SP110: variants seen among roughly 807,000 people sequenced by gnomAD.
SP110 encodes the protein interferon-induced protein 41, 30kD.
A neutral mutation model predicts 92.7 loss-of-function variants in SP110; 62 were observed. That is an observed-to-expected ratio of 0.67 (90% confidence interval 0.55 to 0.83). The LOEUF (loss-of-function observed/expected upper bound fraction) is 0.83, where lower values mean the gene tolerates loss of function less well. Among genes scored for constraint, SP110 ranks in the 40% least tolerant of loss-of-function variants. SP110 has a pLI of 0.00. For missense variants in SP110, 793 were observed against 863.9 expected (o/e 0.92, Z 1.03); for synonymous variants, 273 against 305.3 (o/e 0.89, Z 1.10).
chr2:230,196,012 T>A (rs914556546), intron 10 of SP110, among the ~76,000 whole-genome samples: 6 of 152,164 alleles, frequency 3.9e-5, no homozygotes, highest in African/African-American at 1.2e-4. Flanking sequence ...TTACTACTAA[T>A]CAAAGAAACT....
chr2:230,208,116 G>A, intron 7 of SP110, 57 bp from the exon 8 acceptor site: 1 of 985,776 alleles, frequency 1.0e-6, no homozygotes, highest in South Asian at 1.3e-5. Flanking sequence ...AATCTTGTAT[G>A]TCAATGATAT....
At position 230,172,253 on chromosome 2, in the gene SP110, C is replaced by T. The variant is rs907528271; in HGVS notation, c.1707-79G>A. ...CATTCCTGTGGCTGCCACTGTCTTCCCTCAGGAAGGATGGGCTCAGCCATG... is the reference window on the plus strand; with the variant it reads ...CATTCCTGTGGCTGCCACTGTCTTCTCTCAGGAAGGATGGGCTCAGCCATG... On this transcript the variant is annotated intron_variant, in intron 15 of 18. Coordinates refer to ENST00000258381, the MANE Select transcript of SP110 (RefSeq NM_080424.4). The T allele has an allele frequency of 7.6e-6, 7 of 920,898 alleles. No homozygotes were observed. The South Asian group carries it at 7.8e-5, about 10-fold the overall frequency. 57.0% of individuals were successfully genotyped at this position (920,898 alleles called of 1,614,324 possible). A position where few individuals can be genotyped will look rare whatever the true frequency, so the allele number is the denominator to read the frequency against.
chr2:230,199,331 C>T (rs1216754882), intron 10 of SP110, among the ~76,000 whole-genome samples: 2 of 150,222 alleles, frequency 1.3e-5, no homozygotes, highest in African/African-American at 4.9e-5. Flanking sequence ...TCCTCAGCCT[C>T]CCATGTAGCT....
chr2:230,169,643 G>T (rs554243562), intron 18 of SP110, among the ~76,000 whole-genome samples: 1 of 152,168 alleles, frequency 6.6e-6, no homozygotes, highest in East Asian at 1.9e-4. Context: ...TTTTTTAGGA[G>T]CCCAGCAGTA....
chr2:230,178,823 G>A (rs1471867420), intron 12 of SP110, among the ~76,000 whole-genome samples: 2 of 152,240 alleles, frequency 1.3e-5, no homozygotes, highest in Non-Finnish European at 2.9e-5. Context: ...TCATGGAGCA[G>A]TCTGGCAACT....
chr2:230,177,397 G>GT (rs1464452982), intron 14 of SP110, 141 bp downstream of exon 14: 49 of 938,804 alleles, frequency 5.2e-5, no homozygotes, highest in Non-Finnish European at 7.4e-5. Context: ...GTCACCCACA[G>GT]TTTTTTTTCT....
intron 6 of SP110, 54 bp from the exon 7 acceptor site, chr2:230,210,062 G>T: frequency 9.3e-7 from 1 of 1,073,284 alleles, no homozygotes; most frequent in Non-Finnish European, 1.5e-6. Context: ...AAGAGAAAGT[G>T]CTGAGGGAAG....
intron 14 of SP110, chr2:230,173,703 A>AT (rs1184450806): frequency 6.6e-6 from 1 of 152,106 alleles, no homozygotes; most frequent in Non-Finnish European, 1.5e-5. Context: ...GAAAGAATGA[A>AT]TGGTGCCTCT....
At chr2:230,222,846 T>G (rs939586292), upstream of SP110, among the ~76,000 whole-genome samples, 5 of 151,424 alleles carry the variant, frequency 3.3e-5, no homozygotes, top group Non-Finnish European at 5.9e-5. Flanking sequence ...TAAAGTTTTT[T>G]TTTTTTTTTT....
chr2:230,200,269 A>C (rs759410194), intron 10 of SP110, among the ~76,000 whole-genome samples: 2 of 152,232 alleles, frequency 1.3e-5, no homozygotes, highest in African/African-American at 2.4e-5. Context: ...ACGAATATCT[A>C]GCTGTTTTTT....
At chr2:230,187,690 A>C (rs931008308) in intron 10 of SP110, among the ~76,000 whole-genome samples, 8 of 152,134 alleles carry the variant, frequency 5.3e-5, no homozygotes, top group Non-Finnish European at 1.5e-5. Flanking sequence ...ATAGGGATCC[A>C]GTTTTATTCT....
chr2:230,214,557 A>T (rs1003260648), intron 3 of SP110, among the ~76,000 whole-genome samples: 4 of 152,212 alleles, frequency 2.6e-5, no homozygotes, highest in Non-Finnish European at 5.9e-5. Context: ...TAAGGCACCA[A>T]AAAAAGATAC....
At chr2:230,208,829 C>T (rs546679291) in intron 7 of SP110, among the ~76,000 whole-genome samples, 1 of 152,168 alleles carries the variant, frequency 6.6e-6, no homozygotes, top group East Asian at 1.9e-4. Context: ...CCAAGACTTG[C>T]CAGAGAGTTC....
rs555660894 is a variant in SP110 at position 230,190,193 on chromosome 2, C to T, written c.1130-4050G>A. The stretch of plus-strand genomic sequence containing the variant: ...CAACAGTGTAAAAGTATTCCTATTT[C>T]TCCACAGCCTCACCAGCATCTATTG... On this transcript the variant is annotated intron_variant, in intron 10 of 18. Coordinates refer to ENST00000258381, the MANE Select transcript of SP110 (RefSeq NM_080424.4). Among the ~76,000 whole-genome samples, 10 of 152,336 alleles carry T rather than the reference C, an allele frequency of 6.6e-5. No homozygotes were observed. In the South Asian group the frequency reaches 2.1e-3, roughly 32 times the overall value.
At chr2:230,190,876 G>A (rs1024364392) in intron 10 of SP110, among the ~76,000 whole-genome samples, 17 of 152,098 alleles carry the variant, frequency 1.1e-4, no homozygotes, top group Admixed American at 6.5e-4. Flanking sequence ...TAGATGTGTC[G>A]TGTTATTTCT....
Position 230,202,614 on chromosome 2 carries a change from G to A in SP110, c.1013C>T (p.Ala338Val), listed in dbSNP as rs2043297051. ...NSTVETRAQK[A>V]RTECARKSRS... ...CGACTTTCGGGCACATTCAGTTCTC[G>A]CCTTTTGGGCCCTTGTCTCTACCGT... The change falls in exon 9 of 19, where the codon GCG becomes GTG. Residue 338 changes from alanine (A) to valine (V), a missense_variant. Physicochemically the swap from Ala to Val is moderately conservative, Grantham distance 64. Coordinates refer to ENST00000258381, the MANE Select transcript of SP110 (RefSeq NM_080424.4). The A allele has an allele frequency of 5.6e-6, 9 of 1,613,908 alleles. No homozygotes were observed. The highest frequency in any genetic ancestry group is 4.4e-5 in the South Asian group (4 of 91,078).
chr2:230,175,945 C>CTTTTTTT (rs34906767), intron 14 of SP110, among the ~76,000 whole-genome samples: 29 of 130,774 alleles, frequency 2.2e-4, no homozygotes, highest in Non-Finnish European at 4.1e-4. Flanking sequence ...CTGCAGCATT[C>CTTTTTTT]TTTTTTTTTT....
chr2:230,220,784 G>A (rs1321220048), upstream of SP110, among the ~76,000 whole-genome samples: 2 of 152,126 alleles, frequency 1.3e-5, no homozygotes, highest in Non-Finnish European at 2.9e-5. Context: ...TGGGAGGATT[G>A]CTTGAGCCTA....
At chr2:230,170,558 G>A in intron 18 of SP110, 63 bp downstream of exon 18, 1 of 1,589,128 alleles carries the variant, frequency 6.3e-7, no homozygotes. Context: ...GCAAAATTCT[G>A]CTGTCCCAGA....
Sources: allele counts gnomAD v4.1 joint callset (sites outside exome capture counted in the v4.1 genomes callset), GRCh38; gene constraint gnomAD v4.1.1; transcripts MANE v1.5; gene names NCBI Gene and HGNC (gene_info 2026-07-23, HGNC 2026-07-21).